Variants in BTBD9 observed in about 807,000 individuals in gnomAD.
The protein encoded by BTBD9 is BTB/POZ domain-containing protein 9.
A neutral mutation model predicts 64.3 loss-of-function variants in BTBD9; 49 were observed. The observed-to-expected ratio is 0.76, with a 90% CI of 0.61 to 0.97. The LOEUF is 0.97. BTBD9 is among the 50% of genes least tolerant of loss of function. BTBD9 has a pLI of 0.00. For synonymous variants in BTBD9, 260 were observed against 274.7 expected, an observed-to-expected ratio of 0.95 and a Z score of 0.53; for missense variants, 598 against 762.1, an observed-to-expected ratio of 0.78 and a Z score of 2.53.
chr6:38,278,706 A>T (rs143302602), intron 8 of BTBD9, among the ~76,000 whole-genome samples: 3 of 152,358 alleles, frequency 2.0e-5, no homozygotes, highest in Non-Finnish European at 4.4e-5. Flanking sequence ...AGACATGGTG[A>T]CCAAAAGAAC....
intron 6 of BTBD9, among the ~76,000 whole-genome samples, chr6:38,383,906 T>C (rs1442350431): frequency 2.0e-5 from 3 of 152,194 alleles, no homozygotes; most frequent in African/African-American, 7.2e-5. Context: ...GGATAGAATT[T>C]TGCCCAAGTC....
chr6:38,249,428 T>C (rs1440094114), intron 9 of BTBD9, among the ~76,000 whole-genome samples: 1 of 152,150 alleles, frequency 6.6e-6, no homozygotes. Flanking sequence ...TAATTTTTTT[T>C]TCACATTTTA....
intron 1 of BTBD9, among the ~76,000 whole-genome samples, chr6:38,624,225 T>C (rs2127526253): frequency 6.6e-6 from 1 of 152,304 alleles, no homozygotes; most frequent in Non-Finnish European, 1.5e-5. Context: ...AAGTGCACTC[T>C]GATAGGACAG....
intron 4 of BTBD9, 38 bp from the exon 5 acceptor site, chr6:38,580,475 C>T (rs1269956032): frequency 6.6e-7 from 1 of 1,509,334 alleles, no homozygotes; most frequent in Non-Finnish European, 9.1e-7. Flanking sequence ...TTAATGATTA[C>T]TTATTTATTC....
intron 6 of BTBD9, among the ~76,000 whole-genome samples, chr6:38,538,218 A>G (rs1582597769): frequency 6.6e-6 from 1 of 152,166 alleles, no homozygotes; most frequent in Non-Finnish European, 1.5e-5. Flanking sequence ...ATTCCTACAC[A>G]CTTGATGCCT....
At chr6:38,377,909 T>C (rs1442493848) in intron 6 of BTBD9, among the ~76,000 whole-genome samples, 1 of 152,198 alleles carries the variant, frequency 6.6e-6, no homozygotes, top group African/African-American at 2.4e-5. Context: ...AATCTTTAGA[T>C]TCCTTCTTGA....
At chr6:38,600,482 T>C (rs537121452) in intron 1 of BTBD9, among the ~76,000 whole-genome samples, 69 of 152,298 alleles carry the variant, frequency 4.5e-4, no homozygotes, top group African/African-American at 1.6e-3. Context: ...TCATTTCCTA[T>C]GTTGGTCAGG....
intron 6 of BTBD9, among the ~76,000 whole-genome samples, chr6:38,353,450 A>G (rs566374627): frequency 6.6e-6 from 1 of 152,210 alleles, no homozygotes; most frequent in East Asian, 1.9e-4. Context: ...AGAGAAAGAG[A>G]GGAGCAAGGG....
chr6:38,192,630 A>G, intron 9 of BTBD9, 33 bp from the exon 10 acceptor site: 1 of 1,593,434 alleles, frequency 6.3e-7, no homozygotes, highest in Non-Finnish European at 8.6e-7. Context: ...GCCTGATTAG[A>G]TGGTGCAGTT....
At chr6:38,337,707 G>T (rs761163384) in intron 7 of BTBD9, among the ~76,000 whole-genome samples, 2 of 152,168 alleles carry the variant, frequency 1.3e-5, no homozygotes, top group Admixed American at 6.5e-5. Flanking sequence ...TTTCCTGTTG[G>T]AAGGAGCCCC....
intron 6 of BTBD9, among the ~76,000 whole-genome samples, chr6:38,503,375 C>T (rs1340821333): frequency 4.6e-5 from 7 of 152,226 alleles, no homozygotes; most frequent in African/African-American, 9.6e-5. Context: ...AGCCCATCTA[C>T]CTGTTCTCCC....
In BTBD9 at chr6:38,184,158, C is replaced by T. The variant is rs148623438; in HGVS notation, c.1641+8361G>A. ...TGCTTACCCATCCTCTGTGGATGGA[C>T]GCTCGTGGTATCCCGTTGGGTTCAG... On this transcript the variant is annotated intron_variant, in intron 10 of 10. Coordinates refer to ENST00000481247, the MANE Select transcript of BTBD9 (RefSeq NM_001099272.2). This position sits in a 1 kb window ranked among gnomAD's most constrained non-coding sequence, Gnocchi z 4.4. Among the ~76,000 whole-genome samples the T allele has an allele frequency of 1.1e-4, 16 of 152,282 alleles. No homozygotes were observed. Among genetic ancestry groups the T allele is most frequent in the Non-Finnish European group, 1.6e-4 (11 of 68,030 alleles).
intron 7 of BTBD9, among the ~76,000 whole-genome samples, chr6:38,299,395 T>C (rs928741932): frequency 6.6e-6 from 1 of 152,226 alleles, no homozygotes; most frequent in African/African-American, 2.4e-5. Flanking sequence ...CTGGGTCAAA[T>C]GGTATTTCTA....
intron 8 of BTBD9, among the ~76,000 whole-genome samples, chr6:38,262,115 G>T (rs1764812666): frequency 6.6e-6 from 1 of 152,192 alleles, no homozygotes; most frequent in Middle Eastern, 3.2e-3. Context: ...GTATTCTTAT[G>T]TCTTTGTGCC....
At chr6:38,178,946 A>T (rs576931153) in intron 10 of BTBD9, among the ~76,000 whole-genome samples, 1 of 152,040 alleles carries the variant, frequency 6.6e-6, no homozygotes, top group African/African-American at 2.4e-5. Flanking sequence ...TCCGCCTCCC[A>T]GGTTCAAGCG....
At chr6:38,496,025 C>T (rs1771940377) in intron 6 of BTBD9, among the ~76,000 whole-genome samples, 1 of 152,134 alleles carries the variant, frequency 6.6e-6, no homozygotes, top group African/African-American at 2.4e-5. Context: ...TAATAAAATA[C>T]ACAACATTTG....
intron 6 of BTBD9, among the ~76,000 whole-genome samples, chr6:38,484,244 G>A (rs1771296921): frequency 6.6e-6 from 1 of 152,166 alleles, no homozygotes; most frequent in Non-Finnish European, 1.5e-5. Context: ...GAATTACTAA[G>A]GAAGTGTTAT....
At chr6:38,376,975 T>G (rs1163861422) in intron 6 of BTBD9, among the ~76,000 whole-genome samples, 2 of 152,238 alleles carry the variant, frequency 1.3e-5, no homozygotes, top group Non-Finnish European at 2.9e-5. Flanking sequence ...TAAAGACTGC[T>G]TTCCAAGGCA....
chr6:38,563,287 CT>C (rs1775331629), intron 6 of BTBD9, among the ~76,000 whole-genome samples: 1 of 152,172 alleles, frequency 6.6e-6, no homozygotes, highest in African/African-American at 2.4e-5. Flanking sequence ...CCCAGACCTC[CT>C]TTTCCATCTT....
Sources: gnomAD v4.1 joint callset for allele counts (sites outside exome capture counted in the v4.1 genomes callset) on GRCh38, gnomAD v4.1.1 for gene constraint, Gnocchi (gnomAD v3.1) non-coding constraint, MANE v1.5 for transcripts, NCBI Gene and HGNC (gene_info 2026-07-23, HGNC 2026-07-21) for gene names.